Variants in APBA2 observed in about 807,000 individuals in gnomAD.
APBA2 encodes the protein amyloid-beta A4 precursor protein-binding family A member 2.
In APBA2, 30 loss-of-function variants were observed where a neutral mutation model predicts 75.0. The observed-to-expected ratio is 0.40, with a 90% CI of 0.30 to 0.54. The LOEUF (loss-of-function observed/expected upper bound fraction) is 0.54. APBA2 is among the 20% of genes least tolerant of loss of function. APBA2 has a pLI of 0.49. For missense variants in APBA2, 801 were observed against 1,016.1 expected, an observed-to-expected ratio of 0.79 and a Z score of 2.88; for synonymous variants, 444 against 409.6, an observed-to-expected ratio of 1.08 and a Z score of -1.01.
chr15:29,087,674 C>T (rs902315420), intron 6 of APBA2, among the ~76,000 whole-genome samples: 1 of 152,206 alleles, frequency 6.6e-6, no homozygotes, highest in Non-Finnish European at 1.5e-5. Context: ...CTTAGCTCTG[C>T]AGCAGAAGGT....
chr15:28,943,683 C>A (rs919046151), intron 2 of APBA2, among the ~76,000 whole-genome samples: 2 of 152,164 alleles, frequency 1.3e-5, no homozygotes, highest in Admixed American at 1.3e-4. Flanking sequence ...TGGGCCTCCT[C>A]CATCAGGAAT....
At chr15:28,999,219 C>A (rs2038713953) in intron 3 of APBA2, among the ~76,000 whole-genome samples, 1 of 151,522 alleles carries the variant, frequency 6.6e-6, no homozygotes, top group South Asian at 2.1e-4. Context: ...TTTTTTCTAT[C>A]TGCTCTTGAG....
chr15:29,076,130 C>G, intron 6 of APBA2, 39 bp downstream of exon 6: 1 of 1,603,296 alleles, frequency 6.2e-7, no homozygotes, highest in Non-Finnish European at 8.5e-7. Flanking sequence ...GGGGCAGTTG[C>G]ATTTTACATC....
intron 2 of APBA2, among the ~76,000 whole-genome samples, chr15:28,981,057 C>A (rs60837134): frequency 0.27 from 41,813 of 152,068 alleles, 10,424 homozygotes; most frequent in African/African-American, 0.64. Flanking sequence ...AAAGATTCAA[C>A]CTATGAGAAT....
chr15:29,043,169 A>T (rs2041137982), intron 3 of APBA2, among the ~76,000 whole-genome samples: 1 of 152,192 alleles, frequency 6.6e-6, no homozygotes, highest in Non-Finnish European at 1.5e-5. Flanking sequence ...CGTGGACTAC[A>T]TTGTGAGATA....
intron 2 of APBA2, among the ~76,000 whole-genome samples, chr15:28,929,721 T>C (rs1044819137): frequency 1.2e-4 from 18 of 152,224 alleles, no homozygotes; most frequent in African/African-American, 4.3e-4. Context: ...TAGTGGGACT[T>C]GGGTGCACAT....
At chr15:28,901,615 G>A (rs1354985992) in intron 1 of APBA2, among the ~76,000 whole-genome samples, 3 of 152,036 alleles carry the variant, frequency 2.0e-5, no homozygotes, top group African/African-American at 7.2e-5. Context: ...TTTGTTTATT[G>A]CACCTGGGGG....
In APBA2 at chr15:28,977,863, G is replaced by A. The variant is rs146088665; in HGVS notation, c.-94-17890G>A. Among the ~76,000 whole-genome samples the A allele has an allele frequency of 1.0e-3, 158 of 152,248 alleles. 1 individual carries two copies. The highest frequency in any genetic ancestry group is 3.6e-3 in the African/African-American group (150 of 41,550). On this transcript the variant is annotated intron_variant, in intron 2 of 14. Coordinates refer to ENST00000683413, the MANE Select transcript of APBA2 (RefSeq NM_001353788.2). ...TGTTGTGTCTCTCCCATACAGTCGG[G>A]TGTGGAGCAGTTGGACCCACATACC... is the stretch of plus-strand genomic sequence containing the variant.
At chr15:29,111,964 C>G (rs2044756891) in intron 13 of APBA2, among the ~76,000 whole-genome samples, 1 of 152,146 alleles carries the variant, frequency 6.6e-6, no homozygotes, top group Non-Finnish European at 1.5e-5. Flanking sequence ...AGGGCCCTGG[C>G]CTCTACTTTC....
intron 3 of APBA2, among the ~76,000 whole-genome samples, chr15:29,047,003 G>A (rs778343297): frequency 6.6e-6 from 1 of 152,134 alleles, no homozygotes; most frequent in African/African-American, 2.4e-5. Flanking sequence ...GCCTGCACTG[G>A]TTGCTCTCTT....
chr15:29,097,617 A>G (rs1056200591), intron 8 of APBA2, among the ~76,000 whole-genome samples: 11 of 152,248 alleles, frequency 7.2e-5, no homozygotes, highest in African/African-American at 2.7e-4. Flanking sequence ...TGAAATGACT[A>G]TATCTAGCTA....
At chr15:29,076,232 G>C in intron 6 of APBA2, 141 bp downstream of exon 6, 6 of 924,524 alleles carry the variant, frequency 6.5e-6, no homozygotes, top group Non-Finnish European at 1.1e-5. Context: ...GCCATTGTCT[G>C]TTTGAACACT....
chr15:28,933,407 T>C (rs1259036345), intron 2 of APBA2, among the ~76,000 whole-genome samples: 1 of 152,180 alleles, frequency 6.6e-6, no homozygotes, highest in Non-Finnish European at 1.5e-5. Flanking sequence ...AGGCACGGAA[T>C]CTGCTGGCTC....
chr15:29,088,102 T>A (rs560554083), intron 6 of APBA2, among the ~76,000 whole-genome samples: 61 of 152,152 alleles, frequency 4.0e-4, no homozygotes, highest in Non-Finnish European at 8.2e-4. Context: ...CTGAAACAGC[T>A]CTTTGAGGTC....
At chr15:29,026,493 C>T (rs1278412977) in intron 3 of APBA2, among the ~76,000 whole-genome samples, 2 of 152,196 alleles carry the variant, frequency 1.3e-5, no homozygotes, top group Non-Finnish European at 1.5e-5. Context: ...TCAGTTAATT[C>T]ATTAGTTGTT....
chr15:29,045,245 A>ATTTTTTTTTTT (rs35591033), intron 3 of APBA2, among the ~76,000 whole-genome samples: 1 of 134,358 alleles, frequency 7.4e-6, no homozygotes. Flanking sequence ...TGCCTGGCTA[A>ATTTTTTTTTTT]TTTTTTTTTT....
chr15:28,973,630 A>G (rs1341063537), intron 2 of APBA2, among the ~76,000 whole-genome samples: 1 of 152,230 alleles, frequency 6.6e-6, no homozygotes, highest in East Asian at 1.9e-4. Flanking sequence ...CACTTAAACA[A>G]GTATTTTAAA....
intron 3 of APBA2, chr15:29,044,351 A>G (rs548163336): frequency 6.6e-6 from 1 of 152,354 alleles, no homozygotes; most frequent in African/African-American, 2.4e-5. Flanking sequence ...CGGGGGCCGC[A>G]TTAGCTATTG....
intron 1 of APBA2, among the ~76,000 whole-genome samples, chr15:28,892,639 ATGTG>A (rs772983227): frequency 2.7e-5 from 4 of 149,986 alleles, no homozygotes; most frequent in South Asian, 2.1e-4. Context: ...CTGTGTGTAT[ATGTG>A]TGTGTGTGTG....
Sources: gnomAD v4.1 joint callset for allele counts (sites outside exome capture counted in the v4.1 genomes callset) on GRCh38, gnomAD v4.1.1 for gene constraint, MANE v1.5 for transcripts, NCBI Gene and HGNC (gene_info 2026-07-23, HGNC 2026-07-21) for gene names.